Variants in AFF1 observed in about 807,000 individuals in gnomAD.
AFF1 encodes the protein AF4/FMR2 family member 1.
AFF1 carries 48 observed loss-of-function variants against 121.7 expected under a neutral mutation model. The observed-to-expected ratio is 0.39, with a 90% CI of 0.31 to 0.50. AFF1 has a LOEUF of 0.50. AFF1 is among the 20% of genes least tolerant of loss of function. The probability of loss-of-function intolerance (pLI) is 0.76; values close to 1 mark genes in which losing one functional copy is unlikely to be tolerated. For synonymous variants in AFF1, 613 were observed against 563.0 expected (o/e 1.09, Z -1.26); for missense variants, 1,523 against 1,511.7 (o/e 1.01, Z -0.12).
intron 4 of AFF1, among the ~76,000 whole-genome samples, chr4:87,075,516 C>T (rs1326319019): frequency 6.6e-6 from 1 of 152,150 alleles, no homozygotes; most frequent in Non-Finnish European, 1.5e-5. Flanking sequence ...TCTTCATCTT[C>T]TATCTCAAGG....
chr4:87,087,012 G>T (rs1723808164), intron 5 of AFF1, among the ~76,000 whole-genome samples: 1 of 152,166 alleles, frequency 6.6e-6, no homozygotes, highest in Admixed American at 6.5e-5. Context: ...TTCAGGGAAT[G>T]GTCATGCACT....
intron 11 of AFF1, among the ~76,000 whole-genome samples, chr4:87,109,030 G>C (rs531812556): frequency 6.6e-6 from 1 of 152,168 alleles, no homozygotes; most frequent in Non-Finnish European, 1.5e-5. Flanking sequence ...CATCTAACAG[G>C]GTTGCCAAAT....
chr4:87,030,134 TAAAA>T (rs60463283), intron 2 of AFF1, among the ~76,000 whole-genome samples: 3 of 146,064 alleles, frequency 2.1e-5, no homozygotes, highest in Admixed American at 6.8e-5. Context: ...TAAATGAACT[TAAAA>T]AAAAAAAAAT....
At chr4:87,050,555 A>G (rs1284065575) in intron 4 of AFF1, among the ~76,000 whole-genome samples, 2 of 152,138 alleles carry the variant, frequency 1.3e-5, no homozygotes, top group East Asian at 3.9e-4. Context: ...AGTTGGTACT[A>G]TAAAAACTCA....
chr4:87,100,206 G>A (rs971996380), intron 8 of AFF1, among the ~76,000 whole-genome samples: 1 of 152,008 alleles, frequency 6.6e-6, no homozygotes, highest in Non-Finnish European at 1.5e-5. Context: ...AGCCTTAAGG[G>A]TAGTTAGTGT....
At chr4:87,002,088 T>TTTTTC (rs1271366572) in intron 2 of AFF1, among the ~76,000 whole-genome samples, 1 of 151,570 alleles carries the variant, frequency 6.6e-6, no homozygotes, top group Non-Finnish European at 1.5e-5. Flanking sequence ...CTGTTTAAAT[T>TTTTTC]TTTTCTTTTC....
At chr4:86,965,756 A>G (rs909227085) in intron 2 of AFF1, among the ~76,000 whole-genome samples, 2 of 152,046 alleles carry the variant, frequency 1.3e-5, no homozygotes, top group Non-Finnish European at 2.9e-5. Flanking sequence ...CCCTTCTCCC[A>G]AGGCCTTTCT....
At chr4:87,093,654 C>G (rs946008559) in intron 7 of AFF1, among the ~76,000 whole-genome samples, 2 of 152,156 alleles carry the variant, frequency 1.3e-5, no homozygotes, top group Non-Finnish European at 2.9e-5. Flanking sequence ...CTCTGCCCCT[C>G]TCGTTTGGAG....
At chr4:87,059,223 C>T (rs1013767028) in intron 4 of AFF1, among the ~76,000 whole-genome samples, 15 of 152,198 alleles carry the variant, frequency 9.9e-5, no homozygotes, top group Admixed American at 9.8e-4. Context: ...CTGTTATCCA[C>T]CTGCCCACTG....
intron 2 of AFF1, among the ~76,000 whole-genome samples, chr4:86,994,215 TAATC>T (rs1560524660): frequency 2.0e-5 from 3 of 152,252 alleles, no homozygotes; most frequent in Non-Finnish European, 4.4e-5. Flanking sequence ...TTACTTGAAT[TAATC>T]AAAACACACG....
intron 2 of AFF1, among the ~76,000 whole-genome samples, chr4:86,982,937 A>G (rs1723895419): frequency 6.6e-6 from 1 of 151,076 alleles, no homozygotes; most frequent in African/African-American, 2.4e-5. Context: ...TCTTTTAACC[A>G]GGAAGTGAGC....
intron 2 of AFF1, among the ~76,000 whole-genome samples, chr4:87,024,251 T>C (rs1210390667): frequency 6.6e-6 from 1 of 152,152 alleles, no homozygotes; most frequent in Non-Finnish European, 1.5e-5. Context: ...GATTTACTGG[T>C]GGAGCAAAGG....
At chr4:87,125,301 A>G in intron 13 of AFF1, 158 bp downstream of exon 13, 3 of 457,082 alleles carry the variant, frequency 6.6e-6, no homozygotes, top group South Asian at 7.7e-5. Flanking sequence ...TCTTGCATCC[A>G]TGAGGACCTT....
chr4:87,065,523 AGTG>A, intron 4 of AFF1, among the ~76,000 whole-genome samples: 1 of 151,542 alleles, frequency 6.6e-6, no homozygotes, highest in South Asian at 2.1e-4. Context: ...AAAAAAAAAA[AGTG>A]AGTTGATCAT....
rs548518285 is a variant in AFF1 at position 87,016,119 on chromosome 4, T to C, written c.39-30047T>C. Among the ~76,000 whole-genome samples, 78 of 152,030 alleles carry C rather than the reference T, an allele frequency of 5.1e-4. 1 individual carries two copies. The East Asian group carries it at 0.01, about 20-fold the overall frequency. The stretch of plus-strand genomic sequence containing the variant: ...TTGCTTGAACTCGGGAGGTGGAGGT[T>C]GCAGTTAGCCAAGATCATGCCGTTG... On this transcript the variant is annotated intron_variant, in intron 2 of 20. Coordinates refer to ENST00000395146, the MANE Select transcript of AFF1 (RefSeq NM_001166693.3).
At chr4:87,080,251 G>C (rs1723038202) in intron 4 of AFF1, among the ~76,000 whole-genome samples, 2 of 152,172 alleles carry the variant, frequency 1.3e-5, no homozygotes, top group South Asian at 4.1e-4. Context: ...GTTAAAGTCA[G>C]TGTCTATACC....
chr4:86,989,419 T>C (rs747370805), intron 2 of AFF1, among the ~76,000 whole-genome samples: 71 of 152,144 alleles, frequency 4.7e-4, no homozygotes, highest in Admixed American at 8.5e-4. Flanking sequence ...CCAACAAACA[T>C]GAAAAGCAGC....
At position 87,084,517 on chromosome 4, in the gene AFF1, C is replaced by T. The variant is rs147664169; in HGVS notation, c.1104+353C>T. ...TGAGCTGAGATCACGCCACTGCACTCCAGCCTGGGCAACAGAGTTGAAACT... is the reference window on the plus strand; with the variant it reads ...TGAGCTGAGATCACGCCACTGCACTTCAGCCTGGGCAACAGAGTTGAAACT... On this transcript the variant is annotated intron_variant, in intron 5 of 20. Coordinates refer to ENST00000395146, the MANE Select transcript of AFF1 (RefSeq NM_001166693.3). Among the ~76,000 whole-genome samples, 1,389 of 151,002 alleles carry T rather than the reference C, an allele frequency of 9.2e-3. 16 individuals carry two copies. The highest frequency in any genetic ancestry group is 0.034 in the Middle Eastern group (10 of 292).
chr4:87,124,316 AATATTT>A (rs983152509), intron 12 of AFF1, among the ~76,000 whole-genome samples: 1 of 152,210 alleles, frequency 6.6e-6, no homozygotes, highest in Non-Finnish European at 1.5e-5. Context: ...CTCCCACTAA[AATATTT>A]ACAGTCTTTT....
Sources: gnomAD v4.1 joint callset for allele counts (sites outside exome capture counted in the v4.1 genomes callset) on GRCh38, gnomAD v4.1.1 for gene constraint, MANE v1.5 for transcripts, NCBI Gene and HGNC (gene_info 2026-07-23, HGNC 2026-07-21) for gene names.